Variants in RAP1GDS1 observed in about 807,000 individuals in gnomAD.
The protein encoded by RAP1GDS1 is RAP1, GTP-GDP dissociation stimulator 1.
A neutral mutation model predicts 71.1 loss-of-function variants in RAP1GDS1; 35 were observed. That is an observed-to-expected ratio of 0.49 (90% CI 0.38 to 0.65). RAP1GDS1 has a LOEUF of 0.65. RAP1GDS1 is among the 30% of genes least tolerant of loss of function. The pLI is 0.00. For missense variants in RAP1GDS1, 663 were observed against 706.1 expected (o/e 0.94, Z 0.69); for synonymous variants, 229 against 243.1 (o/e 0.94, Z 0.54).
At chr4:98,347,668 T>C (rs1736498840) in intron 3 of RAP1GDS1, among the ~76,000 whole-genome samples, 1 of 152,118 alleles carries the variant, frequency 6.6e-6, no homozygotes, top group African/African-American at 2.4e-5. Flanking sequence ...TCAGCCTCTT[T>C]CCCTTGCAGT....
At chr4:98,280,768 T>C (rs1724958963) in intron 1 of RAP1GDS1, among the ~76,000 whole-genome samples, 5 of 152,220 alleles carry the variant, frequency 3.3e-5, no homozygotes. Flanking sequence ...CTTTAATCCA[T>C]CTTGAATTAA....
chr4:98,320,679 AG>A (rs1460975929), intron 2 of RAP1GDS1, among the ~76,000 whole-genome samples: 2 of 151,626 alleles, frequency 1.3e-5, no homozygotes, highest in African/African-American at 2.4e-5. Context: ...CTCACACGGC[AG>A]GGTATTCCAA....
intron 2 of RAP1GDS1, among the ~76,000 whole-genome samples, chr4:98,342,834 G>T (rs986197871): frequency 1.3e-5 from 2 of 152,044 alleles, no homozygotes; most frequent in African/African-American, 4.8e-5. Flanking sequence ...GAATAGACAG[G>T]GTTAGAACTA....
rs567820244 is a variant in RAP1GDS1, at chr4:98,391,042, G to A, written c.509-910G>A. On this transcript the variant is annotated intron_variant, in intron 5 of 14. Coordinates refer to ENST00000408927, the MANE Select transcript of RAP1GDS1 (RefSeq NM_001100427.2). ...TGTATCATTGGATGAACCAGTTATG[G>A]ACAGTTATAGTGTTTTGCATAAACA... is the stretch of plus-strand genomic sequence containing the variant. Among the ~76,000 whole-genome samples the A allele has an allele frequency of 3.3e-5, 5 of 152,190 alleles. No homozygotes were observed. The South Asian group carries it at 1.0e-3, about 32-fold the overall frequency.
intron 4 of RAP1GDS1, among the ~76,000 whole-genome samples, chr4:98,377,989 A>T (rs910590283): frequency 6.6e-6 from 1 of 151,886 alleles, no homozygotes; most frequent in Admixed American, 6.6e-5. Context: ...ATATTTTGTT[A>T]ATTTATTGAT....
intron 2 of RAP1GDS1, among the ~76,000 whole-genome samples, chr4:98,301,945 T>C (rs1413961590): frequency 6.6e-6 from 1 of 152,154 alleles, no homozygotes; most frequent in Non-Finnish European, 1.5e-5. Context: ...TTGGTCTCAG[T>C]TCAGAAGAGG....
At chr4:98,310,360 C>T (rs193182180) in intron 2 of RAP1GDS1, among the ~76,000 whole-genome samples, 16 of 152,054 alleles carry the variant, frequency 1.1e-4, no homozygotes, top group African/African-American at 3.9e-4. Flanking sequence ...TAGATCTTAG[C>T]CAGAGGGCTG....
chr4:98,370,722 C>T (rs1182687535), intron 4 of RAP1GDS1, among the ~76,000 whole-genome samples: 1 of 152,176 alleles, frequency 6.6e-6, no homozygotes, highest in East Asian at 1.9e-4. Context: ...AGGCGCGTGC[C>T]AACACACCTG....
At chr4:98,290,693 T>C (rs1726793967) in intron 1 of RAP1GDS1, among the ~76,000 whole-genome samples, 1 of 152,102 alleles carries the variant, frequency 6.6e-6, no homozygotes, top group Non-Finnish European at 1.5e-5. Flanking sequence ...ACAGAGACTT[T>C]TGAGAAATGC....
At chr4:98,439,880 T>C (rs910251631) in intron 14 of RAP1GDS1, among the ~76,000 whole-genome samples, 1 of 152,318 alleles carries the variant, frequency 6.6e-6, no homozygotes, top group African/African-American at 2.4e-5. Context: ...AAGTATACAG[T>C]TTAATGGCAT....
intron 12 of RAP1GDS1, among the ~76,000 whole-genome samples, chr4:98,429,651 AT>A (rs533309011): frequency 6.6e-6 from 1 of 152,182 alleles, no homozygotes; most frequent in Admixed American, 6.5e-5. Flanking sequence ...TATGGAAATA[AT>A]TTTTTTTAAT....
intron 1 of RAP1GDS1, among the ~76,000 whole-genome samples, chr4:98,282,597 G>A (rs956279062): frequency 3.4e-5 from 5 of 147,592 alleles, no homozygotes; most frequent in African/African-American, 5.0e-5. Context: ...TTTTTTGAAG[G>A]GTTTTTTATG....
In RAP1GDS1 at chr4:98,420,016, C is replaced by A; in HGVS notation, c.1175-3C>A. On this transcript the variant is annotated splice_polypyrimidine_tract_variant and splice_region_variant and intron_variant, in intron 10 of 14. Transcript: ENST00000408927. ...TTTAACCATAGTCTCTCTTTTTCTC[C>A]AGTTATAAATAAAGCAAAGATGTTA... 1 of 1,584,516 alleles carries A rather than the reference C, an allele frequency of 6.3e-7. No homozygotes were observed. Among genetic ancestry groups the A allele is most frequent in the Non-Finnish European group, 8.6e-7 (1 of 1,166,502 alleles).
At chr4:98,397,704 C>A (rs1744752503) in intron 6 of RAP1GDS1, among the ~76,000 whole-genome samples, 1 of 151,986 alleles carries the variant, frequency 6.6e-6, no homozygotes, top group Non-Finnish European at 1.5e-5. Context: ...ATTTCTAGAC[C>A]CTCTTTCCCC....
chr4:98,406,239 A>T (rs928649189), intron 7 of RAP1GDS1, among the ~76,000 whole-genome samples: 5 of 152,064 alleles, frequency 3.3e-5, no homozygotes, highest in African/African-American at 1.2e-4. Context: ...AATGTGGCCT[A>T]AATGCTCTAA....
intron 5 of RAP1GDS1, among the ~76,000 whole-genome samples, chr4:98,387,073 T>C (rs558537203): frequency 9.8e-5 from 15 of 152,312 alleles, no homozygotes; most frequent in African/African-American, 3.6e-4. Context: ...CTCATTTGAC[T>C]GTAGATGGGA....
At chr4:98,324,152 A>G (rs1297677415) in intron 2 of RAP1GDS1, among the ~76,000 whole-genome samples, 3 of 147,720 alleles carry the variant, frequency 2.0e-5, no homozygotes, top group African/African-American at 5.0e-5. Context: ...CCAAATCATG[A>G]GTGAACTCCC....
chr4:98,346,630 C>T (rs1736335474), intron 3 of RAP1GDS1, among the ~76,000 whole-genome samples: 1 of 151,978 alleles, frequency 6.6e-6, no homozygotes, highest in Non-Finnish European at 1.5e-5. Flanking sequence ...CTGCAAGCTC[C>T]ACCTCCCGGG....
At chr4:98,327,087 G>C (rs1733229531) in intron 2 of RAP1GDS1, among the ~76,000 whole-genome samples, 1 of 152,116 alleles carries the variant, frequency 6.6e-6, no homozygotes, top group Non-Finnish European at 1.5e-5. Flanking sequence ...TTCTACTGGA[G>C]TACAGTACAG....
Sources: gnomAD v4.1 joint callset for allele counts (sites outside exome capture counted in the v4.1 genomes callset) on GRCh38, gnomAD v4.1.1 for gene constraint, MANE v1.5 for transcripts, NCBI Gene and HGNC (gene_info 2026-07-23, HGNC 2026-07-21) for gene names.